WWOX: variants seen among roughly 807,000 people sequenced by gnomAD.
The protein encoded by WWOX is WW domain containing oxidoreductase.
WWOX carries 69 observed loss-of-function variants against 46.2 expected under a neutral mutation model. That is an observed-to-expected ratio of 1.49 (90% CI 1.23 to 1.82). The LOEUF (loss-of-function observed/expected upper bound fraction) is 1.82. Ranked by LOEUF, WWOX falls within the 40% of genes most tolerant of loss-of-function variation. The probability of loss-of-function intolerance (pLI) is 0.00; values close to 1 mark genes in which losing one functional copy is unlikely to be tolerated. For missense variants in WWOX, 919 were observed against 542.6 expected, an observed-to-expected ratio of 1.69 and a Z score of -6.89; for synonymous variants, 359 against 202.6, an observed-to-expected ratio of 1.77 and a Z score of -6.56.
chr16:78,478,690 T>C lies in WWOX; in HGVS notation c.1056+45938T>C, dbSNP rs149411125. 3.9e-3 allele frequency among the ~76,000 whole-genome samples: 592 copies of C among 152,328 alleles called. 2 individuals carry two copies. Among genetic ancestry groups the C allele is most frequent in the African/African-American group, 0.013 (550 of 41,586 alleles). Reference sequence around the variant, plus strand: ...TGCACTGGCTGGCAGGAAAGAGTTTTAATGCAGGCTCCAAAGGTGCTTAAT... The same window carrying C: ...TGCACTGGCTGGCAGGAAAGAGTTTCAATGCAGGCTCCAAAGGTGCTTAAT... On this transcript the variant is annotated intron_variant, in intron 8 of 8. Coordinates refer to ENST00000566780, the MANE Select transcript of WWOX (RefSeq NM_016373.4).
intron 5 of WWOX, among the ~76,000 whole-genome samples, chr16:78,362,607 T>C (rs892800006): frequency 3.3e-5 from 5 of 151,948 alleles, no homozygotes; most frequent in Non-Finnish European, 7.4e-5. Flanking sequence ...AGACTCTATC[T>C]ACCCCCCACC....
rs79012199 is a variant in WWOX, at chr16:78,634,415, G to A, written c.1056+201663G>A. Among the ~76,000 whole-genome samples the A allele has an allele frequency of 1.6e-4, 24 of 152,192 alleles. No individual in the cohort carries two copies. In the East Asian group the frequency reaches 4.1e-3, roughly 26 times the overall value. ...GGGAGAGCAAGTGGAGCTGTTCAAA[G>A]TTGTAGGGACAGCCGGGCGCAGTGG... On this transcript the variant is annotated intron_variant, in intron 8 of 8. Coordinates refer to ENST00000566780, the MANE Select transcript of WWOX (RefSeq NM_016373.4).
chr16:78,534,153 T>C (rs933506821), intron 8 of WWOX, among the ~76,000 whole-genome samples: 15 of 152,214 alleles, frequency 9.9e-5, no homozygotes, highest in African/African-American at 3.4e-4. Flanking sequence ...TTTTAAAGTG[T>C]GGACATCCTC....
chr16:78,701,444 C>G lies in WWOX; in HGVS notation c.1056+268692C>G, dbSNP rs145049197. On this transcript the variant is annotated intron_variant, in intron 8 of 8. Transcript: ENST00000566780. ...TGACAGGAGGTTGAAGGTCCGATGGCCACATAGGTGGCAGTGCTGGAATTT... is the reference window on the plus strand; with the variant it reads ...TGACAGGAGGTTGAAGGTCCGATGGGCACATAGGTGGCAGTGCTGGAATTT... Among the ~76,000 whole-genome samples the G allele has an allele frequency of 3.3e-3, 505 of 152,200 alleles. 3 individuals carry two copies. The highest frequency in any genetic ancestry group is 0.012 in the African/African-American group (482 of 41,532).
At chr16:78,555,510 T>C (rs1371437786) in intron 8 of WWOX, among the ~76,000 whole-genome samples, 1 of 151,960 alleles carries the variant, frequency 6.6e-6, no homozygotes, top group African/African-American at 2.4e-5. Flanking sequence ...AACATCGATG[T>C]CTCGGGGCTT....
chr16:78,910,624 A>C (rs1277313874), intron 8 of WWOX, among the ~76,000 whole-genome samples: 2 of 152,008 alleles, frequency 1.3e-5, no homozygotes, highest in African/African-American at 4.8e-5. Flanking sequence ...TCACAATTCC[A>C]CATGGCGGTG....
intron 8 of WWOX, among the ~76,000 whole-genome samples, chr16:78,926,370 CAAA>C (rs57956185): frequency 4.3e-4 from 60 of 140,312 alleles, no homozygotes; most frequent in Middle Eastern, 3.7e-3. Flanking sequence ...GACCCTATCT[CAAA>C]AAAAAAAAAA....
intron 8 of WWOX, among the ~76,000 whole-genome samples, chr16:78,630,339 T>A (rs995145617): frequency 6.6e-6 from 1 of 152,084 alleles, no homozygotes. Context: ...CTGTCACCAT[T>A]CCCAGATCAG....
chr16:78,817,669 G>C (rs1288004423), intron 8 of WWOX, among the ~76,000 whole-genome samples: 1 of 152,114 alleles, frequency 6.6e-6, no homozygotes, highest in Non-Finnish European at 1.5e-5. Flanking sequence ...TTGGGGATGA[G>C]TCTTTGTGTG....
chr16:78,557,050 A>G (rs559758875), intron 8 of WWOX, among the ~76,000 whole-genome samples: 3 of 152,264 alleles, frequency 2.0e-5, no homozygotes, highest in East Asian at 1.9e-4. Context: ...TTGCAATAAA[A>G]TAAAAAGAAA....
intron 5 of WWOX, among the ~76,000 whole-genome samples, chr16:78,339,259 C>T (rs62034408): frequency 8.6e-6 from 1 of 116,858 alleles, no homozygotes; most frequent in Non-Finnish European, 2.0e-5. Context: ...TATTTTTTCC[C>T]TGGAGTTAAT....
chr16:78,581,321 G>A (rs991521654), intron 8 of WWOX, among the ~76,000 whole-genome samples: 2 of 152,162 alleles, frequency 1.3e-5, no homozygotes, highest in African/African-American at 2.4e-5. Flanking sequence ...CTATAGCTGA[G>A]AAAATGGGTT....
intron 8 of WWOX, among the ~76,000 whole-genome samples, chr16:78,656,709 A>G (rs986303228): frequency 1.3e-5 from 2 of 152,170 alleles, no homozygotes; most frequent in African/African-American, 2.4e-5. Flanking sequence ...AATCCCAACC[A>G]TATCGGCACC....
chr16:78,656,121 A>G (rs1384936634), intron 8 of WWOX, among the ~76,000 whole-genome samples: 2 of 152,144 alleles, frequency 1.3e-5, no homozygotes, highest in Non-Finnish European at 2.9e-5. Context: ...CAAAATTATT[A>G]TGTCAACATG....
rs1217035232 is a variant in WWOX, at chr16:78,338,328, G to A, written c.517-48532G>A. 7.4e-5 allele frequency among the ~76,000 whole-genome samples: 9 copies of A among 121,628 alleles called. 2 individuals are homozygous for A. Among genetic ancestry groups the A allele is most frequent in the East Asian group, 3.9e-4 (2 of 5,184 alleles). The allele number at this position is 121,628 out of a possible 152,430, so 79.8% of individuals were successfully genotyped here. A position where few individuals can be genotyped will look rare whatever the true frequency, so the allele number is the denominator to read the frequency against. ...CCTCATGGATTCCCAGCTGCTGAGAGTTTGAATAGTATGTGAAGTCTGTAG... is the reference window on the plus strand; with the variant it reads ...CCTCATGGATTCCCAGCTGCTGAGAATTTGAATAGTATGTGAAGTCTGTAG... On this transcript the variant is annotated intron_variant, in intron 5 of 8. Transcript: ENST00000566780.
At position 78,108,815 on chromosome 16, in the gene WWOX, G is replaced by T. The variant is rs766467094; in HGVS notation, c.172+328G>T. Among the ~76,000 whole-genome samples, 4 of 152,154 alleles carry T rather than the reference G, an allele frequency of 2.6e-5. No individual in the cohort carries two copies. In the East Asian group the frequency reaches 7.7e-4, roughly 29 times the overall value. ...CTAGCCTGGCCAACATGTTGAAAGC[G>T]CATCTCTTCTAAAAATACAAAAATT... On this transcript the variant is annotated intron_variant, in intron 2 of 8. Coordinates refer to ENST00000566780, the MANE Select transcript of WWOX (RefSeq NM_016373.4).
intron 8 of WWOX, among the ~76,000 whole-genome samples, chr16:79,094,499 A>T (rs964935974): frequency 6.6e-6 from 1 of 151,906 alleles, no homozygotes; most frequent in Non-Finnish European, 1.5e-5. Context: ...CAGTCTGCCC[A>T]CCTCGGCCTC....
intron 8 of WWOX, among the ~76,000 whole-genome samples, chr16:79,032,636 T>A (rs1347661793): frequency 6.8e-6 from 1 of 146,974 alleles, no homozygotes; most frequent in Non-Finnish European, 1.5e-5. Flanking sequence ...ATATAATATA[T>A]GTAATAGAGC....
chr16:78,661,036 A>T (rs757015862), intron 8 of WWOX, among the ~76,000 whole-genome samples: 1 of 152,200 alleles, frequency 6.6e-6, no homozygotes, highest in Non-Finnish European at 1.5e-5. Context: ...CTTAGTAATG[A>T]ATGTTCCTGC....
Sources: allele counts gnomAD v4.1 joint callset (sites outside exome capture counted in the v4.1 genomes callset), GRCh38; gene constraint gnomAD v4.1.1; transcripts MANE v1.5; gene names NCBI Gene and HGNC (gene_info 2026-07-23, HGNC 2026-07-21).